The following PTPN3 variants were observed in gnomAD, a reference collection of about 807,000 sequenced individuals.
The protein encoded by PTPN3 is tyrosine-protein phosphatase non-receptor type 3.
PTPN3 carries 96 observed loss-of-function variants against 132.7 expected under a neutral mutation model. The observed-to-expected ratio is 0.72, with a 90% CI of 0.61 to 0.86. The LOEUF (loss-of-function observed/expected upper bound fraction) is 0.86. Ranked by LOEUF, PTPN3 falls within the 40% of genes least tolerant of loss-of-function variation. The pLI, the probability that PTPN3 is intolerant of heterozygous loss-of-function variation, is 0.00. For synonymous variants in PTPN3, 398 were observed against 429.0 expected (o/e 0.93, Z 0.89); for missense variants, 1,125 against 1,159.6 (o/e 0.97, Z 0.43).
chr9:109,418,528 G>A (rs758375589), intron 14 of PTPN3, among the ~76,000 whole-genome samples: 1 of 152,228 alleles, frequency 6.6e-6, no homozygotes, highest in Non-Finnish European at 1.5e-5. Context: ...CATGAATTCT[G>A]TGTGAAAAAT....
chr9:109,511,656 C>CT, the PTPN3 span: 61 of 152,936 alleles, frequency 4.0e-4, no homozygotes, highest in African/African-American at 1.3e-3. Flanking sequence ...CAGTCGAACC[C>CT]AGAGCAGACC....
At chr9:109,506,679 T>G in the PTPN3 span, among the ~76,000 whole-genome samples, 3,400 of 151,732 alleles carry the variant, frequency 0.022, 119 homozygotes, top group African/African-American at 0.077. Flanking sequence ...CTCAGCTCAC[T>G]GTGGCTTCAA....
chr9:109,426,790 C>T (rs988786954), intron 12 of PTPN3, among the ~76,000 whole-genome samples, 160 bp downstream of exon 12: 2 of 152,188 alleles, frequency 1.3e-5, no homozygotes, highest in African/African-American at 4.8e-5. Context: ...TTAGACACTG[C>T]TGACCCCGGG....
At chr9:109,382,507 C>T in intron 23 of PTPN3, 60 bp from the exon 24 acceptor site, 6 of 1,589,250 alleles carry the variant, frequency 3.8e-6, no homozygotes, top group Non-Finnish European at 5.2e-6. Flanking sequence ...AGGACCCAGC[C>T]CCAACCCAGA....
intron 1 of PTPN3, among the ~76,000 whole-genome samples, chr9:109,485,767 A>G (rs930309275): frequency 6.6e-6 from 1 of 152,172 alleles, no homozygotes; most frequent in Non-Finnish European, 1.5e-5. Flanking sequence ...GTCCTGGAGC[A>G]GCTCACGAGA....
intron 14 of PTPN3, among the ~76,000 whole-genome samples, chr9:109,410,747 C>T (rs954974927): frequency 1.3e-5 from 2 of 152,210 alleles, no homozygotes; most frequent in African/African-American, 4.8e-5. Context: ...CTGAACCAGG[C>T]TCTGCCAGGC....
At chr9:109,408,264 T>G in intron 17 of PTPN3, 57 bp downstream of exon 17, 1 of 1,377,100 alleles carries the variant, frequency 7.3e-7, no homozygotes, top group Non-Finnish European at 9.9e-7. Flanking sequence ...CAGAAACCTG[T>G]TAGAATTAGG....
At chr9:109,537,099 G>A in the PTPN3 span, among the ~76,000 whole-genome samples, 2 of 152,046 alleles carry the variant, frequency 1.3e-5, no homozygotes, top group African/African-American at 4.8e-5. Context: ...CATTTTCTGA[G>A]CCTCCATCAA....
At chr9:109,467,352 A>G (rs1846151159) in intron 1 of PTPN3, among the ~76,000 whole-genome samples, 1 of 152,082 alleles carries the variant, frequency 6.6e-6, no homozygotes, top group African/African-American at 2.4e-5. Flanking sequence ...AGGAGCTTTT[A>G]AAACCTGCCT....
In PTPN3 at chr9:109,404,578, T is replaced by A; in HGVS notation, c.1823A>T (p.Glu608Val). ...AVRSFADFKSEDELNQLFPEA... is the reference protein window; with the variant it reads ...AVRSFADFKSVDELNQLFPEA... ...GGGGAAAAGCTGGTTCAGTTCATCT[T>A]CAGACTTGAAGTCAGCAAATGAGCG... is the stretch of plus-strand genomic sequence containing the variant. Residue 608 changes from glutamate (E) to valine (V), a missense_variant, in exon 19 of 26, where the codon GAA becomes GTA. Coordinates refer to ENST00000374541, the MANE Select transcript of PTPN3 (RefSeq NM_002829.4). 6.4e-7 allele frequency: 1 copy of A among 1,557,676 alleles called. No homozygotes were observed.
the PTPN3 span, among the ~76,000 whole-genome samples, chr9:109,524,139 G>A: frequency 6.6e-6 from 1 of 152,114 alleles, no homozygotes; most frequent in Non-Finnish European, 1.5e-5. Context: ...AGCTACTCAG[G>A]AGATGGAAAT....
Position 109,448,740 on chromosome 9 carries a change from AAC to A in PTPN3, c.413+69_413+70del, listed in dbSNP as rs1845026215. On this transcript the variant is annotated intron_variant, in intron 6 of 25. Transcript: ENST00000374541. ...AGATTTGATATTGTTACCAGAAATA[AAC>A]ACTCATTAGATTAAAACCAGGAATT... The A allele has an allele frequency of 4.3e-6, 6 of 1,394,564 alleles. No homozygotes were observed. The South Asian group carries it at 7.4e-5, about 17-fold the overall frequency. 86.4% of individuals were successfully genotyped at this position (1,394,564 alleles called of 1,614,324 possible).
At chr9:109,448,502 G>C (rs1364772824) in intron 6 of PTPN3, among the ~76,000 whole-genome samples, 1 of 152,176 alleles carries the variant, frequency 6.6e-6, no homozygotes, top group African/African-American at 2.4e-5. Context: ...CTGCCTTCCT[G>C]AATGAAGCCC....
In PTPN3 at chr9:109,418,585, C is replaced by T. The variant is rs577325430; in HGVS notation, c.1313+1839G>A. On this transcript the variant is annotated intron_variant, in intron 14 of 25. Transcript: ENST00000374541. ...TCTAGGGGTTCACCCTTTAAATGAA[C>T]GATGGAATAAACGTGTTAGTCTAGA... Among the ~76,000 whole-genome samples the T allele has an allele frequency of 5.3e-5, 8 of 152,230 alleles. No individual in the cohort carries two copies. In the East Asian group the frequency reaches 1.5e-3, roughly 29 times the overall value.
intron 1 of PTPN3, among the ~76,000 whole-genome samples, chr9:109,465,706 C>CAAAAAAAAAAA (rs34634972): frequency 1.2e-4 from 8 of 64,826 alleles, no homozygotes; most frequent in African/African-American, 5.1e-4. Context: ...AACTCTGTCT[C>CAAAAAAAAAAA]AAAAAAAAAA....
At chr9:109,514,655 C>T in the PTPN3 span, among the ~76,000 whole-genome samples, 6 of 152,178 alleles carry the variant, frequency 3.9e-5, no homozygotes, top group East Asian at 3.9e-4. Flanking sequence ...GTGGTAGGTG[C>T]GTAGACTGTT....
intron 21 of PTPN3, 72 bp from the exon 22 acceptor site, chr9:109,389,451 A>G (rs1372180709): frequency 3.5e-6 from 5 of 1,445,414 alleles, no homozygotes; most frequent in South Asian, 2.8e-5. Flanking sequence ...ATTTTAAACT[A>G]TTCTACTTGC....
intron 12 of PTPN3, among the ~76,000 whole-genome samples, chr9:109,424,327 C>G (rs1270160366): frequency 6.6e-6 from 1 of 152,184 alleles, no homozygotes; most frequent in East Asian, 1.9e-4. Flanking sequence ...GGTAATGAGA[C>G]TTGAAATTCA....
chr9:109,416,271 G>C (rs1477124391), intron 14 of PTPN3, among the ~76,000 whole-genome samples: 1 of 152,128 alleles, frequency 6.6e-6, no homozygotes, highest in Non-Finnish European at 1.5e-5. Flanking sequence ...AGCTTGGGAA[G>C]AACAGTGGGC....
Sources: allele counts gnomAD v4.1 joint callset (sites outside exome capture counted in the v4.1 genomes callset), GRCh38; gene constraint gnomAD v4.1.1; transcripts MANE v1.5; gene names NCBI Gene and HGNC (gene_info 2026-07-23, HGNC 2026-07-21).